CLSTN2: variants seen among roughly 807,000 people sequenced by gnomAD.
CLSTN2 encodes the protein calsyntenin 2.
Under a neutral mutation model 101.2 loss-of-function variants are expected in CLSTN2, and 48 were observed. The ratio of observed to expected loss-of-function variants is 0.47; its 90% CI spans 0.38 to 0.60. CLSTN2 has a LOEUF of 0.60. Ranked by LOEUF, CLSTN2 falls within the 20% of genes least tolerant of loss-of-function variation. The pLI, the probability that CLSTN2 is intolerant of heterozygous loss-of-function variation, is 0.00. For synonymous variants in CLSTN2, 481 were observed against 463.6 expected (o/e 1.04, Z -0.48); for missense variants, 1,160 against 1,238.2 (o/e 0.94, Z 0.95).
At chr3:139,943,558 C>T (rs548462026) in intron 1 of CLSTN2, among the ~76,000 whole-genome samples, 18 of 152,318 alleles carry the variant, frequency 1.2e-4, no homozygotes, top group South Asian at 1.0e-3. Context: ...GTCCAAACAG[C>T]ATGGTGCCTT....
At chr3:140,171,430 T>C (rs2010211124) in intron 1 of CLSTN2, among the ~76,000 whole-genome samples, 1 of 151,544 alleles carries the variant, frequency 6.6e-6, no homozygotes, top group Non-Finnish European at 1.5e-5. Flanking sequence ...AGCAAAATGG[T>C]GGCCTTGGTT....
Position 140,573,395 on chromosome 3 carries a change from A to G in CLSTN2, c.*7142A>G, listed in dbSNP as rs1414340032. ...ACTAAAAGTAGAAAACAAAAATCCA[A>G]AAACAAACCTACAGCCTCATTTACA... is the stretch of plus-strand genomic sequence containing the variant. On this transcript the variant is annotated 3_prime_UTR_variant, in exon 17 of 17. Coordinates refer to ENST00000458420, the MANE Select transcript of CLSTN2 (RefSeq NM_022131.3). 6.6e-6 allele frequency: 1 copy of G among 152,204 alleles called. No individual in the cohort carries two copies. The highest frequency in any genetic ancestry group is 1.5e-5 in the Non-Finnish European group (1 of 68,036). 9.4% of individuals were successfully genotyped at this position (152,204 alleles called of 1,614,324 possible). A position where few individuals can be genotyped will look rare whatever the true frequency, so the allele number is the denominator to read the frequency against.
intron 5 of CLSTN2, among the ~76,000 whole-genome samples, chr3:140,442,925 G>A (rs995631867): frequency 6.6e-6 from 1 of 151,810 alleles, no homozygotes; most frequent in Non-Finnish European, 1.5e-5. Context: ...CTGAGCAAAG[G>A]TACCCTCCTA....
intron 8 of CLSTN2, among the ~76,000 whole-genome samples, chr3:140,530,740 A>G (rs1005289054): frequency 2.0e-5 from 3 of 152,178 alleles, no homozygotes; most frequent in Admixed American, 6.5e-5. Flanking sequence ...GGGAGCCCCC[A>G]AGTGCTGTCT....
At chr3:140,226,509 A>G (rs535586442) in intron 2 of CLSTN2, among the ~76,000 whole-genome samples, 48 of 152,356 alleles carry the variant, frequency 3.2e-4, no homozygotes, top group African/African-American at 1.1e-3. Flanking sequence ...ATGGATAGAT[A>G]TGGGATAAAG....
intron 1 of CLSTN2, among the ~76,000 whole-genome samples, chr3:139,992,127 G>A (rs1391808092): frequency 6.6e-6 from 1 of 152,174 alleles, no homozygotes; most frequent in Non-Finnish European, 1.5e-5. Flanking sequence ...GGGCTCACTA[G>A]CAACTGGGAA....
intron 2 of CLSTN2, among the ~76,000 whole-genome samples, chr3:140,198,481 G>T (rs1482331261): frequency 6.6e-6 from 1 of 152,190 alleles, no homozygotes; most frequent in Non-Finnish European, 1.5e-5. Flanking sequence ...CCTCTGCCAG[G>T]CTCACCAGCT....
At chr3:140,233,777 C>T (rs1474080213) in intron 2 of CLSTN2, among the ~76,000 whole-genome samples, 2 of 152,186 alleles carry the variant, frequency 1.3e-5, no homozygotes, top group African/African-American at 2.4e-5. Flanking sequence ...ATCTGTTTAG[C>T]TTGAAACATA....
At chr3:140,464,566 G>A (rs534639038) in intron 7 of CLSTN2, among the ~76,000 whole-genome samples, 2 of 152,336 alleles carry the variant, frequency 1.3e-5, no homozygotes, top group South Asian at 4.1e-4. Flanking sequence ...CAGAGAAAGG[G>A]AGTAGAAGGA....
At chr3:140,268,028 A>T (rs2086710404) in intron 2 of CLSTN2, among the ~76,000 whole-genome samples, 2 of 152,268 alleles carry the variant, frequency 1.3e-5, no homozygotes, top group South Asian at 4.2e-4. Flanking sequence ...ATGGGGAATG[A>T]ATTGGAGGCA....
chr3:140,251,584 G>GTTCCGTTCCT, intron 2 of CLSTN2, among the ~76,000 whole-genome samples: 1 of 117,544 alleles, frequency 8.5e-6, no homozygotes, highest in South Asian at 3.2e-4. Flanking sequence ...CTTAGCTTCC[G>GTTCCGTTCCT]TTCCTTTCCT....
chr3:140,516,193 TC>T (rs1046902456), intron 8 of CLSTN2, among the ~76,000 whole-genome samples: 20 of 152,308 alleles, frequency 1.3e-4, no homozygotes, highest in African/African-American at 4.3e-4. Context: ...AATATATTTT[TC>T]CACCCCTTTA....
intron 2 of CLSTN2, among the ~76,000 whole-genome samples, chr3:140,372,470 C>CT: frequency 6.6e-6 from 1 of 152,272 alleles, no homozygotes; most frequent in East Asian, 1.9e-4. Flanking sequence ...CAAAGTATCC[C>CT]TTCTCTATTT....
At chr3:140,524,648 T>A (rs1245443144) in intron 8 of CLSTN2, among the ~76,000 whole-genome samples, 1 of 152,176 alleles carries the variant, frequency 6.6e-6, no homozygotes, top group Non-Finnish European at 1.5e-5. Context: ...ACATTCTTCT[T>A]ATCTGCACAT....
intron 2 of CLSTN2, among the ~76,000 whole-genome samples, chr3:140,199,636 C>G (rs1245239532): frequency 1.3e-5 from 2 of 152,072 alleles, no homozygotes; most frequent in Non-Finnish European, 2.9e-5. Flanking sequence ...ACATTTTTTT[C>G]TTTCAATCTC....
At chr3:140,011,618 G>T (rs1037109258) in intron 1 of CLSTN2, among the ~76,000 whole-genome samples, 3 of 152,138 alleles carry the variant, frequency 2.0e-5, no homozygotes, top group African/African-American at 7.2e-5. Context: ...TTAATAAGGG[G>T]TTATCTCTCC....
intron 2 of CLSTN2, among the ~76,000 whole-genome samples, chr3:140,355,326 AT>A (rs1261696561): frequency 3.3e-5 from 5 of 152,198 alleles, no homozygotes; most frequent in Admixed American, 6.5e-5. Flanking sequence ...TTTTCTGTAC[AT>A]TTTAGTCATT....
chr3:139,962,108 G>A (rs891965769), intron 1 of CLSTN2, among the ~76,000 whole-genome samples: 4 of 151,852 alleles, frequency 2.6e-5, no homozygotes, highest in African/African-American at 9.7e-5. Context: ...TAAAAATTTT[G>A]TAACTTATTT....
chr3:140,016,051 T>C (rs2007193950), intron 1 of CLSTN2, among the ~76,000 whole-genome samples: 1 of 152,192 alleles, frequency 6.6e-6, no homozygotes, highest in African/African-American at 2.4e-5. Context: ...CTGTAGTCAC[T>C]TTATAGGAGG....
Sources: allele counts gnomAD v4.1 joint callset (sites outside exome capture counted in the v4.1 genomes callset), GRCh38; gene constraint gnomAD v4.1.1; transcripts MANE v1.5; gene names NCBI Gene and HGNC (gene_info 2026-07-23, HGNC 2026-07-21).